Variants in EYS observed in about 807,000 individuals in gnomAD.
The protein encoded by EYS is EGF-like photoreceptor maintenance factor, also known as protein eyes shut homolog.
In EYS, 250 loss-of-function variants were observed where a neutral mutation model predicts 282.1. The ratio of observed to expected loss-of-function variants is 0.89; its 90% CI spans 0.80 to 0.98. EYS has a LOEUF of 0.98. Ranked by LOEUF, EYS falls within the 50% of genes least tolerant of loss-of-function variation. The pLI is 0.00. For synonymous variants in EYS, 1,355 were observed against 1,282.9 expected (o/e 1.06, Z -1.20); for missense variants, 4,016 against 3,709.0 (o/e 1.08, Z -2.15).
intron 14 of EYS, among the ~76,000 whole-genome samples, chr6:64,951,876 G>A (rs1166419868): frequency 2.0e-5 from 3 of 151,946 alleles, no homozygotes; most frequent in South Asian, 4.1e-4. Context: ...TATCAAAAAC[G>A]AAGGTAGAGA....
intron 22 of EYS, among the ~76,000 whole-genome samples, chr6:64,766,167 A>T (rs1024131754): frequency 1.3e-5 from 2 of 151,222 alleles, no homozygotes; most frequent in Non-Finnish European, 2.9e-5. Flanking sequence ...ACCTCAGGGG[A>T]TCCGCCTGGC....
intron 31 of EYS, among the ~76,000 whole-genome samples, chr6:64,177,930 A>C (rs1394276855): frequency 6.6e-6 from 1 of 152,110 alleles, no homozygotes; most frequent in East Asian, 1.9e-4. Context: ...CTTTTAGCAT[A>C]TTCCATTTAC....
At chr6:63,789,971 T>A (rs1770465467) in intron 37 of EYS, among the ~76,000 whole-genome samples, 1 of 152,152 alleles carries the variant, frequency 6.6e-6, no homozygotes, top group Non-Finnish European at 1.5e-5. Context: ...TAGCAAGAGA[T>A]CTGTTCACAG....
At chr6:63,875,368 G>A (rs1046561091) in intron 35 of EYS, among the ~76,000 whole-genome samples, 1 of 152,164 alleles carries the variant, frequency 6.6e-6, no homozygotes, top group Non-Finnish European at 1.5e-5. Flanking sequence ...GCTGGATTTG[G>A]TATGCCAGTA....
At chr6:64,418,268 T>C (rs1451396943) in intron 28 of EYS, among the ~76,000 whole-genome samples, 1 of 152,222 alleles carries the variant, frequency 6.6e-6, no homozygotes, top group Non-Finnish European at 1.5e-5. Flanking sequence ...GGCTATTTAG[T>C]TCTTCATGAT....
intron 22 of EYS, among the ~76,000 whole-genome samples, chr6:64,727,568 T>G (rs1356642272): frequency 6.6e-6 from 1 of 152,090 alleles, no homozygotes; most frequent in Non-Finnish European, 1.5e-5. Flanking sequence ...TATATAATTA[T>G]TTTCCGGAAA....
At chr6:65,050,294 G>A (rs908581399) in intron 13 of EYS, among the ~76,000 whole-genome samples, 1 of 151,492 alleles carries the variant, frequency 6.6e-6, no homozygotes, top group African/African-American at 2.4e-5. Context: ...TCACCAGGAA[G>A]AAGAACACAA....
At chr6:65,421,711 G>A (rs1337565115) in intron 5 of EYS, among the ~76,000 whole-genome samples, 1 of 151,766 alleles carries the variant, frequency 6.6e-6, no homozygotes, top group Non-Finnish European at 1.5e-5. Context: ...TCCTTTCACT[G>A]AAACACTTAG....
At position 65,002,212 on chromosome 6, in the gene EYS, T is replaced by C. The variant is rs948259161; in HGVS notation, c.2138-4509A>G. On this transcript the variant is annotated intron_variant, in intron 13 of 42. Transcript: ENST00000503581. Reference sequence around the variant, plus strand: ...AAATGACATGAATCTTTTTTAAGTATCATTCCTCACCAGACACCTGTGGGT... The same window carrying C: ...AAATGACATGAATCTTTTTTAAGTACCATTCCTCACCAGACACCTGTGGGT... 2.7e-4 allele frequency among the ~76,000 whole-genome samples: 40 copies of C among 147,604 alleles called. 6 individuals carry two copies. Among genetic ancestry groups the C allele is most frequent in the Non-Finnish European group, 3.8e-4 (25 of 66,028 alleles).
chr6:65,196,556 T>C (rs761626519), intron 12 of EYS, among the ~76,000 whole-genome samples: 17 of 152,092 alleles, frequency 1.1e-4, no homozygotes, highest in Non-Finnish European at 1.9e-4. Context: ...CCAAGCATTA[T>C]TAAGCCCTTG....
intron 35 of EYS, among the ~76,000 whole-genome samples, chr6:63,916,592 G>GT (rs1321696612): frequency 6.6e-6 from 1 of 151,892 alleles, no homozygotes; most frequent in African/African-American, 2.4e-5. Flanking sequence ...TTTTGTGAGA[G>GT]TTTTTTTAAA....
At chr6:65,029,999 T>C (rs565739116) in intron 13 of EYS, among the ~76,000 whole-genome samples, 1 of 152,052 alleles carries the variant, frequency 6.6e-6, no homozygotes, top group Non-Finnish European at 1.5e-5. Context: ...CCATGGACAT[T>C]TGAGCTGACA....
chr6:64,728,613 G>A (rs1771847629), intron 22 of EYS, among the ~76,000 whole-genome samples: 1 of 152,154 alleles, frequency 6.6e-6, no homozygotes, highest in Non-Finnish European at 1.5e-5. Flanking sequence ...GAGATTATAG[G>A]TGTGAGCCAC....
intron 19 of EYS, among the ~76,000 whole-genome samples, chr6:64,835,884 A>C (rs1219451865): frequency 6.6e-6 from 1 of 151,580 alleles, no homozygotes; most frequent in Non-Finnish European, 1.5e-5. Context: ...TTCAGTTGTG[A>C]ATCAGTAAGA....
chr6:64,819,679 G>T (rs1764842742), intron 21 of EYS, among the ~76,000 whole-genome samples: 1 of 151,784 alleles, frequency 6.6e-6, no homozygotes, highest in Non-Finnish European at 1.5e-5. Flanking sequence ...ATATTACAGT[G>T]GGAAGGATTT....
At chr6:65,389,258 G>A (rs1263950748) in intron 7 of EYS, among the ~76,000 whole-genome samples, 2 of 152,040 alleles carry the variant, frequency 1.3e-5, no homozygotes, top group African/African-American at 4.8e-5. Context: ...ATCTAAAGCT[G>A]CCCCAGATTC....
chr6:64,790,438 C>T (rs2149999888), intron 22 of EYS, among the ~76,000 whole-genome samples: 1 of 151,124 alleles, frequency 6.6e-6, no homozygotes, highest in Admixed American at 6.6e-5. Context: ...AATCATAAGA[C>T]AAGAAAAAAA....
At chr6:64,857,973 A>G (rs1766118352) in intron 19 of EYS, among the ~76,000 whole-genome samples, 1 of 151,900 alleles carries the variant, frequency 6.6e-6, no homozygotes, top group Admixed American at 6.6e-5. Context: ...GAGTTGTTTC[A>G]GTTTCTTAAA....
At chr6:64,090,541 C>G (rs1035721966) in intron 31 of EYS, among the ~76,000 whole-genome samples, 1 of 151,946 alleles carries the variant, frequency 6.6e-6, no homozygotes, top group African/African-American at 2.4e-5. Context: ...TTTTGTATGA[C>G]TCACCATGTG....
Sources: gnomAD v4.1 joint callset for allele counts (sites outside exome capture counted in the v4.1 genomes callset) on GRCh38, gnomAD v4.1.1 for gene constraint, MANE v1.5 for transcripts, NCBI Gene and HGNC (gene_info 2026-07-23, HGNC 2026-07-21) for gene names.